SOS2: variants seen among roughly 807,000 people sequenced by gnomAD.
The protein encoded by SOS2 is SOS Ras/Rho guanine nucleotide exchange factor 2.
SOS2 carries 65 observed loss-of-function variants against 148.2 expected under a neutral mutation model. The observed-to-expected ratio is 0.44, with a 90% confidence interval of 0.36 to 0.54. The LOEUF (loss-of-function observed/expected upper bound fraction) is 0.54, where lower values mean the gene tolerates loss of function less well. Among genes scored for constraint, SOS2 ranks in the 20% least tolerant of loss-of-function variants. The pLI is 0.00. For missense variants in SOS2, 1,341 were observed against 1,590.2 expected, an observed-to-expected ratio of 0.84 and a Z score of 2.67; for synonymous variants, 539 against 537.1, an observed-to-expected ratio of 1.00 and a Z score of -0.05.
intron 2 of SOS2, among the ~76,000 whole-genome samples, chr14:50,202,223 C>T (rs1886515085): frequency 6.6e-6 from 1 of 152,136 alleles, no homozygotes; most frequent in East Asian, 1.9e-4. Flanking sequence ...CTCAACTTCC[C>T]AAAGTGCTGG....
At chr14:50,168,675 C>T (rs1885246383) in intron 8 of SOS2, among the ~76,000 whole-genome samples, 1 of 152,026 alleles carries the variant, frequency 6.6e-6, no homozygotes, top group South Asian at 2.1e-4. Flanking sequence ...CTATAGAATG[C>T]CGTTTCGTGA....
chr14:50,128,352 G>A (rs1422612564), intron 21 of SOS2, among the ~76,000 whole-genome samples: 6 of 152,128 alleles, frequency 3.9e-5, no homozygotes, highest in Non-Finnish European at 4.4e-5. Context: ...ACCCTGCTAG[G>A]TTCCCTGATT....
chr14:50,231,162 G>A, intron 1 of SOS2, 35 bp downstream of exon 1: 3 of 1,302,378 alleles, frequency 2.3e-6, no homozygotes, highest in Non-Finnish European at 3.1e-6. Context: ...GGGGGCCACG[G>A]GCCACCCGCC....
At chr14:50,130,798 G>A (rs761633818) in intron 19 of SOS2, 36 bp from the exon 20 acceptor site, 3 of 1,556,940 alleles carry the variant, frequency 1.9e-6, no homozygotes, top group South Asian at 2.4e-5. Context: ...TCACAAATTT[G>A]CATAGACAAC....
intron 20 of SOS2, 108 bp downstream of exon 20, chr14:50,130,393 A>C: frequency 1.1e-6 from 1 of 870,174 alleles, no homozygotes; most frequent in South Asian, 1.8e-5. Flanking sequence ...ATCACTTTTC[A>C]CACTAATATA....
At chr14:50,183,182 A>C (rs1272598591) in intron 5 of SOS2, among the ~76,000 whole-genome samples, 1 of 152,162 alleles carries the variant, frequency 6.6e-6, no homozygotes, top group African/African-American at 2.4e-5. Context: ...ATGAATGTTT[A>C]CTTTCATGCC....
chr14:50,222,979 T>C (rs956482897), intron 1 of SOS2, among the ~76,000 whole-genome samples: 1 of 152,184 alleles, frequency 6.6e-6, no homozygotes, highest in African/African-American at 2.4e-5. Context: ...TTGGTGATGA[T>C]GACTTGGTTC....
rs748832248 is a variant in SOS2, at chr14:50,231,293, G to C, written c.-10C>G. ...GCGGCGCCTGCTGCATGGCCCCGGC[G>C]ACAGCGCCTCCGCATCGGGGGCAGC... On this transcript the variant is annotated 5_prime_UTR_variant, in exon 1 of 23. Transcript: ENST00000216373. 3 of 1,413,454 alleles carry C rather than the reference G, an allele frequency of 2.1e-6. No homozygotes were observed. The highest frequency in any genetic ancestry group is 1.9e-6 in the Non-Finnish European group (2 of 1,063,826). The allele number at this position is 1,413,454 out of a possible 1,614,324, so 87.6% of individuals were successfully genotyped here.
chr14:50,135,642 CTTTTTTT>C (rs56043962), intron 18 of SOS2, among the ~76,000 whole-genome samples: 2 of 82,566 alleles, frequency 2.4e-5, no homozygotes, highest in Non-Finnish European at 4.4e-5. Context: ...ATGTGGTTTG[CTTTTTTT>C]TTTTTTTTTT....
At chr14:50,181,427 G>A (rs145763277) in intron 6 of SOS2, among the ~76,000 whole-genome samples, 205 of 133,730 alleles carry the variant, frequency 1.5e-3, no homozygotes, top group Admixed American at 1.5e-3. Flanking sequence ...TAGAATGGGT[G>A]ACAGAGGGAG....
At chr14:50,221,481 C>T (rs1192807374) in intron 1 of SOS2, among the ~76,000 whole-genome samples, 1 of 152,182 alleles carries the variant, frequency 6.6e-6, no homozygotes, top group Admixed American at 6.5e-5. Context: ...AAAGGCAGAT[C>T]TCTCACTTAT....
chr14:50,131,073 C>A (rs1409394011), intron 19 of SOS2, among the ~76,000 whole-genome samples: 1 of 151,896 alleles, frequency 6.6e-6, no homozygotes, highest in African/African-American at 2.4e-5. Context: ...TTGAAAATAT[C>A]TATATAGATT....
At chr14:50,224,312 TATACACACACACACAC>T (rs1887294225) in intron 1 of SOS2, among the ~76,000 whole-genome samples, 3 of 53,256 alleles carry the variant, frequency 5.6e-5, no homozygotes, top group Non-Finnish European at 7.3e-5. Flanking sequence ...AAAATATATA[TATACACACACACACAC>T]ACACACACAC....
chr14:50,153,299 C>T (rs754993405), intron 12 of SOS2, 126 bp from the exon 13 acceptor site: 13 of 535,804 alleles, frequency 2.4e-5, no homozygotes, highest in Non-Finnish European at 4.1e-5. Context: ...ACTCTCTAAT[C>T]TGTATTTAAT....
intron 18 of SOS2, among the ~76,000 whole-genome samples, chr14:50,135,857 A>G (rs1259263636): frequency 2.8e-5 from 4 of 144,490 alleles, no homozygotes; most frequent in Non-Finnish European, 5.9e-5. Flanking sequence ...TGCTATTATA[A>G]TAATTATTTT....
rs59258695 is a variant in SOS2, at chr14:50,174,231, G to C, written c.1068+223C>G. The stretch of plus-strand genomic sequence containing the variant: ...TGTGTTGCTTGGGTCCCAGCTAAGA[G>C]AGGAAGAATACAACACTGCACAGAA... On this transcript the variant is annotated intron_variant, in intron 8 of 22. Transcript: ENST00000216373. Among the ~76,000 whole-genome samples, 2,014 of 152,170 alleles carry C rather than the reference G, an allele frequency of 0.013. 40 individuals carry two copies. The highest frequency in any genetic ancestry group is 0.045 in the African/African-American group (1,857 of 41,518).
intron 21 of SOS2, 75 bp from the exon 22 acceptor site, chr14:50,120,459 C>T (rs1883465753): frequency 5.5e-6 from 4 of 726,384 alleles, no homozygotes; most frequent in East Asian, 2.7e-5. Context: ...GTGATCGATA[C>T]TTCTACCATG....
In SOS2 at chr14:50,138,644, G is replaced by A; in HGVS notation, c.2926C>T (p.Pro976Ser). The A allele has an allele frequency of 6.3e-7, 1 of 1,579,258 alleles. No homozygotes were observed. Among genetic ancestry groups the A allele is most frequent in the Non-Finnish European group, 8.6e-7 (1 of 1,161,216 alleles). The change falls in exon 18 of 23, where the codon CCT (proline) becomes TCT (serine). Residue 976 changes from proline (P) to serine (S), a missense_variant. This residue lies in a region of SOS2 where 408 missense variants were observed against 506.6 expected (regional missense o/e 0.81). Coordinates refer to ENST00000216373, the MANE Select transcript of SOS2 (RefSeq NM_006939.4). ...TCTGGTTCTATCCGTAAACAGTAAGGCTGATTCTGATACTGCTGAATTTCT... is the reference window on the plus strand; with the variant it reads ...TCTGGTTCTATCCGTAAACAGTAAGACTGATTCTGATACTGCTGAATTTCT... ...TGEIQQYQNQPYCLRIEPDMR... is the reference protein window; with the variant it reads ...TGEIQQYQNQSYCLRIEPDMR...
Position 50,150,005 on chromosome 14 carries a change from T to C in SOS2, c.2384+3A>G. 2 of 1,560,584 alleles carry C rather than the reference T, an allele frequency of 1.3e-6. No homozygotes were observed. The highest frequency in any genetic ancestry group is 1.8e-6 in the Non-Finnish European group (2 of 1,131,318). On this transcript the variant is annotated splice_donor_region_variant and intron_variant, in intron 14 of 22. Coordinates refer to ENST00000216373, the MANE Select transcript of SOS2 (RefSeq NM_006939.4). Reference sequence around the variant, plus strand: ...AAGCAAGACATTAACATTAATTGTCTACCTGTAAAGATCAGACTCCAAAAG... The same window carrying C: ...AAGCAAGACATTAACATTAATTGTCCACCTGTAAAGATCAGACTCCAAAAG...
Sources: allele counts gnomAD v4.1 joint callset (sites outside exome capture counted in the v4.1 genomes callset), GRCh38; gene constraint gnomAD v4.1.1; regional missense constraint gnomAD v4.1.1; transcripts MANE v1.5; gene names NCBI Gene and HGNC (gene_info 2026-07-23, HGNC 2026-07-21).